The following CACNB3 variants were observed in gnomAD, a reference collection of about 807,000 sequenced individuals.
The protein encoded by CACNB3 is voltage-dependent L-type calcium channel subunit beta-3.
Under a neutral mutation model 63.7 loss-of-function variants are expected in CACNB3, and 36 were observed. The observed-to-expected ratio is 0.57, with a 90% CI of 0.43 to 0.75. The LOEUF (loss-of-function observed/expected upper bound fraction) is 0.75, where lower values mean the gene tolerates loss of function less well. CACNB3 is among the 30% of genes least tolerant of loss of function. The pLI is 0.00. For synonymous variants in CACNB3, 241 were observed against 250.6 expected, an observed-to-expected ratio of 0.96 and a Z score of 0.36; for missense variants, 493 against 648.6, an observed-to-expected ratio of 0.76 and a Z score of 2.61.
intron 1 of CACNB3, chr12:48,821,623 A>T (rs892438469): frequency 1.1e-4 from 16 of 152,266 alleles, no homozygotes; most frequent in African/African-American, 3.6e-4. Flanking sequence ...GCGAGTGGTC[A>T]TCTGCCTTGC....
Position 48,818,559 on chromosome 12 carries a change from G to T in CACNB3, c.-371G>T. 1 of 1,057,124 alleles carries T rather than the reference G, an allele frequency of 9.5e-7. No homozygotes were observed. The allele number at this position is 1,057,124 out of a possible 1,614,324, so 65.5% of individuals were successfully genotyped here. A position where few individuals can be genotyped will look rare whatever the true frequency, so the allele number is the denominator to read the frequency against. On this transcript the variant is annotated 5_prime_UTR_variant, in exon 1 of 13. Coordinates refer to ENST00000301050, the MANE Select transcript of CACNB3 (RefSeq NM_000725.4). This position sits in a 1 kb window ranked among gnomAD's most constrained non-coding sequence, Gnocchi z 4.3. ...GGGACCCACCTTCCACCTAGCACGG[G>T]TTCGTTCCCCTCTCCCGGCCTGGCC...
In CACNB3 at chr12:48,828,669, G is replaced by C. The variant is rs899583509; in HGVS notation, c.*770G>C. On this transcript the variant is annotated 3_prime_UTR_variant, in exon 13 of 13. Transcript: ENST00000301050. ...AGGGCATGTGTAGCAGAGAACTTAG[G>C]GGGGCCTCCTTGCCTTTCTCATTCT... 1.5e-5 allele frequency: 7 copies of C among 456,416 alleles called. 1 individual carries two copies. In the Admixed American group the frequency reaches 1.6e-4, roughly 11 times the overall value. The allele number at this position is 456,416 out of a possible 1,614,324, so 28.3% of individuals were successfully genotyped here. A position where few individuals can be genotyped will look rare whatever the true frequency, so the allele number is the denominator to read the frequency against.
upstream of CACNB3, chr12:48,814,606 C>A: frequency 6.8e-7 from 1 of 1,475,852 alleles, no homozygotes; most frequent in Non-Finnish European, 9.0e-7. This position sits in a 1 kb window ranked among gnomAD's most constrained non-coding sequence, Gnocchi z 6.9. Context: ...AGGAGCCCCA[C>A]GGGGTGGGAA....
chr12:48,814,526 T>C (rs774403451), upstream of CACNB3: 2 of 1,529,122 alleles, frequency 1.3e-6, no homozygotes, highest in South Asian at 2.4e-5. This position sits in a 1 kb window ranked among gnomAD's most constrained non-coding sequence, Gnocchi z 6.9. Context: ...CCGGCTTAGC[T>C]GGGGCGCCCC....
rs200536434 is a variant in CACNB3 at position 48,823,633 on chromosome 12, G to A, written c.169-48G>A. 6.8e-6 allele frequency: 11 copies of A among 1,613,640 alleles called. No individual in the cohort carries two copies. The East Asian group carries it at 2.0e-4, about 29-fold the overall frequency. Reference sequence around the variant, plus strand: ...GCTGTTGGGGCACTGAAGCTGGAAGGGGTGCTTCGAGCCTTCTCTCACTTG... The same window carrying A: ...GCTGTTGGGGCACTGAAGCTGGAAGAGGTGCTTCGAGCCTTCTCTCACTTG... On this transcript the variant is annotated intron_variant, in intron 2 of 12. Transcript: ENST00000301050. The surrounding 1 kb of genome is among the most constrained non-coding windows in gnomAD (Gnocchi z 4.2).
rs755114081 is a variant in CACNB3 at position 48,827,855 on chromosome 12, C to T, written c.1411C>T (p.Arg471Trp). The change falls in exon 13 of 13, where the codon CGG becomes TGG. Residue 471 changes from arginine (R) to tryptophan (W), a missense_variant. Physicochemically the swap from Arg to Trp is moderately radical, Grantham distance 101. Coordinates refer to ENST00000301050, the MANE Select transcript of CACNB3 (RefSeq NM_000725.4). Reference protein sequence around the residue: ...AQDSEHNHSDRNWQRNRPWPK... With the variant: ...AQDSEHNHSDWNWQRNRPWPK... Reference sequence around the variant, plus strand: ...GGACTCAGAGCACAACCACAGTGACCGGAACTGGCAGCGCAACCGGCCTTG... The same window carrying T: ...GGACTCAGAGCACAACCACAGTGACTGGAACTGGCAGCGCAACCGGCCTTG... 25 of 1,613,990 alleles carry T rather than the reference C, an allele frequency of 1.5e-5. No homozygotes were observed. Among genetic ancestry groups the T allele is most frequent in the Admixed American group, 1.5e-4 (9 of 60,004 alleles).
intron 4 of CACNB3, 121 bp from the exon 5 acceptor site, chr12:48,824,548 G>A (rs1938024032): frequency 9.0e-7 from 1 of 1,106,686 alleles, no homozygotes; most frequent in Non-Finnish European, 1.3e-6. Flanking sequence ...CATATTGCAT[G>A]TACACCTGTC....
At chr12:48,815,220 A>T, upstream of CACNB3, 1 of 183,308 alleles carries the variant, frequency 5.5e-6, no homozygotes, top group Non-Finnish European at 1.2e-5. Context: ...CCAAGAGCTC[A>T]GGAGCTGGGG....
In CACNB3 at chr12:48,827,410, G is replaced by T. The variant is rs79572569; in HGVS notation, c.1141-175G>T. Among the ~76,000 whole-genome samples, 1,391 of 152,344 alleles carry T rather than the reference G, an allele frequency of 9.1e-3. 12 individuals are homozygous for T. Among genetic ancestry groups the T allele is most frequent in the Non-Finnish European group, 0.015 (1,051 of 68,032 alleles). On this transcript the variant is annotated intron_variant, in intron 12 of 12. Transcript: ENST00000301050. ...TGAAGGCAGAGCCTGAATTTTGCGG[G>T]AGTCGAAGCTCCAGTTTTCTCTCTC... is the stretch of plus-strand genomic sequence containing the variant.
chr12:48,828,195 C>CCCT lies in CACNB3; in HGVS notation c.*298_*300dup. ...CAGGAAGCTGCCCCACTGGGCAGTG[C>CCCT]CCTCAGGCCAGGATCCCCTTAGCAG... On this transcript the variant is annotated 3_prime_UTR_variant, in exon 13 of 13. Coordinates refer to ENST00000301050, the MANE Select transcript of CACNB3 (RefSeq NM_000725.4). The CCCT allele has an allele frequency of 2.1e-6, 1 of 476,190 alleles. No individual in the cohort carries two copies. Among genetic ancestry groups the CCCT allele is most frequent in the East Asian group, 3.9e-5 (1 of 25,498 alleles). The allele number at this position is 476,190 out of a possible 1,614,324, so 29.5% of individuals were successfully genotyped here.
At chr12:48,820,370 GT>G (rs1328126639) in intron 1 of CACNB3, 1 of 152,306 alleles carries the variant, frequency 6.6e-6, no homozygotes, top group Non-Finnish European at 1.5e-5. Flanking sequence ...TGTGGATGGT[GT>G]TGGAGGGCAG....
chr12:48,823,600 G>A lies in CACNB3; in HGVS notation c.169-81G>A, dbSNP rs1206309328. ...GGTGTGTGTGATGGGCAGAGGCCACGGCCTTCTGCTGTTGGGGCACTGAAG... is the reference window on the plus strand; with the variant it reads ...GGTGTGTGTGATGGGCAGAGGCCACAGCCTTCTGCTGTTGGGGCACTGAAG... On this transcript the variant is annotated intron_variant, in intron 2 of 12. Coordinates refer to ENST00000301050, the MANE Select transcript of CACNB3 (RefSeq NM_000725.4). The surrounding 1 kb of genome is among the most constrained non-coding windows in gnomAD (Gnocchi z 4.2). 22 of 1,603,676 alleles carry A rather than the reference G, an allele frequency of 1.4e-5. No individual in the cohort carries two copies. The highest frequency in any genetic ancestry group is 2.7e-5 in the African/African-American group (2 of 74,750).
At chr12:48,816,815 G>A (rs1942298521), upstream of CACNB3, 1 of 984,810 alleles carries the variant, frequency 1.0e-6, no homozygotes, top group African/African-American at 1.7e-5. Flanking sequence ...GAGGCCAGGA[G>A]AGTGGATGCA....
At position 48,823,558 on chromosome 12, in the gene CACNB3, G is replaced by A; in HGVS notation, c.168+92G>A. 2 of 1,595,352 alleles carry A rather than the reference G, an allele frequency of 1.3e-6. No homozygotes were observed. Among genetic ancestry groups the A allele is most frequent in the East Asian group, 2.2e-5 (1 of 44,760 alleles). ...GTCCCAAGGGGTCCTTGGGCAGGAT[G>A]TCCTTGAGTGTGAGAGGGTGTGTGT... is the stretch of plus-strand genomic sequence containing the variant. On this transcript the variant is annotated intron_variant, in intron 2 of 12. Transcript: ENST00000301050. This position sits in a 1 kb window ranked among gnomAD's most constrained non-coding sequence, Gnocchi z 4.2.
At chr12:48,815,303 G>C (rs936571890), upstream of CACNB3, 35 of 294,196 alleles carry the variant, frequency 1.2e-4, no homozygotes, top group African/African-American at 6.8e-4. Context: ...TTCTCGGGAG[G>C]ACTTTAGGGA....
chr12:48,825,538 C>A lies in CACNB3; in HGVS notation c.632+46C>A. 1.2e-6 allele frequency: 2 copies of A among 1,604,824 alleles called. No individual in the cohort carries two copies. The highest frequency in any genetic ancestry group is 2.2e-5 in the South Asian group (2 of 90,862). On this transcript the variant is annotated intron_variant, in intron 8 of 12. Coordinates refer to ENST00000301050, the MANE Select transcript of CACNB3 (RefSeq NM_000725.4). This position sits in a 1 kb window ranked among gnomAD's most constrained non-coding sequence, Gnocchi z 4.5. ...GTGGCCTGAGAACCAAGGAGAAGCTCATGGCCTACTTCCAGATGCCTGTAG... is the reference window on the plus strand; with the variant it reads ...GTGGCCTGAGAACCAAGGAGAAGCTAATGGCCTACTTCCAGATGCCTGTAG...
chr12:48,818,049 TGA>T (rs1376077546), upstream of CACNB3: 1 of 152,468 alleles, frequency 6.6e-6, no homozygotes, highest in East Asian at 1.9e-4. The surrounding 1 kb of genome is among the most constrained non-coding windows in gnomAD (Gnocchi z 4.3). Flanking sequence ...GTCCCCGTAC[TGA>T]GGGGGCCGGG....
chr12:48,819,038 C>T, intron 1 of CACNB3, 64 bp downstream of exon 1: 1 of 1,537,930 alleles, frequency 6.5e-7, no homozygotes, highest in Non-Finnish European at 8.9e-7. Context: ...CCCTTCAACC[C>T]TTTCCCCGGT....
At position 48,818,962 on chromosome 12, in the gene CACNB3, G is replaced by A. The variant is rs150046044; in HGVS notation, c.33G>A (p.Glu11=). The change falls in exon 1 of 13, where the codon GAG becomes GAA. Residue 11 remains glutamate (E), a synonymous_variant. Coordinates refer to ENST00000301050, the MANE Select transcript of CACNB3 (RefSeq NM_000725.4). The surrounding 1 kb of genome is among the most constrained non-coding windows in gnomAD (Gnocchi z 4.3). MYDDSYVPGF[E]DSEAGSADSY... ...ACGACTCCTACGTGCCCGGGTTTGA[G>A]GACTCGGAGGCGGTGAGTGCCCACG... The A allele has an allele frequency of 1.6e-4, 251 of 1,605,680 alleles. No homozygotes were observed. In the African/African-American group the frequency reaches 1.8e-3, roughly 12 times the overall value.
Sources: allele counts gnomAD v4.1 joint callset (sites outside exome capture counted in the v4.1 genomes callset), GRCh38; gene constraint gnomAD v4.1.1; non-coding constraint Gnocchi (gnomAD v3.1); transcripts MANE v1.5; gene names NCBI Gene and HGNC (gene_info 2026-07-23, HGNC 2026-07-21).